Variants in PTPRM observed in about 807,000 individuals in gnomAD.
PTPRM encodes protein tyrosine phosphatase receptor type M, also known as receptor-type tyrosine-protein phosphatase mu.
In PTPRM, 47 loss-of-function variants were observed where a neutral mutation model predicts 186.7. That is an observed-to-expected ratio of 0.25 (90% CI 0.20 to 0.32). The LOEUF is 0.32. Among genes scored for constraint, PTPRM ranks in the 10% least tolerant of loss-of-function variants. The pLI, the probability that PTPRM is intolerant of heterozygous loss-of-function variation, is 1.00. For missense variants in PTPRM, 1,494 were observed against 1,865.0 expected, an observed-to-expected ratio of 0.80 and a Z score of 3.66; for synonymous variants, 668 against 674.9, an observed-to-expected ratio of 0.99 and a Z score of 0.16.
intron 7 of PTPRM, among the ~76,000 whole-genome samples, chr18:8,001,111 C>T (rs2083846382): frequency 6.6e-6 from 1 of 152,160 alleles, no homozygotes; most frequent in Non-Finnish European, 1.5e-5. Flanking sequence ...AGCAGGGTAA[C>T]ATGCTACATT....
At chr18:8,289,698 A>T (rs1375935944) in intron 19 of PTPRM, among the ~76,000 whole-genome samples, 1 of 151,048 alleles carries the variant, frequency 6.6e-6, no homozygotes, top group Non-Finnish European at 1.5e-5. Flanking sequence ...TATTAGGTAA[A>T]GGAAGATAAT....
At chr18:8,363,658 A>C (rs963084552) in intron 23 of PTPRM, among the ~76,000 whole-genome samples, 4 of 152,208 alleles carry the variant, frequency 2.6e-5, no homozygotes, top group African/African-American at 9.6e-5. Flanking sequence ...GGGAATAGCT[A>C]AAAGTCAAGC....
At chr18:8,271,415 T>A (rs1578952) in intron 19 of PTPRM, among the ~76,000 whole-genome samples, 45,330 of 151,774 alleles carry the variant, frequency 0.3, 6,995 homozygotes, top group Admixed American at 0.39. Context: ...CATTGCTGAG[T>A]GCTGTTAACT....
At chr18:8,233,030 C>G (rs531545785) in intron 14 of PTPRM, among the ~76,000 whole-genome samples, 14 of 152,130 alleles carry the variant, frequency 9.2e-5, no homozygotes, top group Non-Finnish European at 1.8e-4. Context: ...CAAGGAGTCC[C>G]GCACCAGGAA....
intron 30 of PTPRM, among the ~76,000 whole-genome samples, chr18:8,385,786 A>G (rs1259676591): frequency 6.6e-6 from 1 of 152,232 alleles, no homozygotes; most frequent in Non-Finnish European, 1.5e-5. Flanking sequence ...TTTACATTTT[A>G]AAAGGAGCAC....
intron 4 of PTPRM, among the ~76,000 whole-genome samples, chr18:7,912,750 A>C (rs1302961702): frequency 2.0e-5 from 3 of 150,202 alleles, no homozygotes; most frequent in Non-Finnish European, 4.4e-5. Flanking sequence ...CGATCTCGTG[A>C]CCTCGTGATC....
At chr18:8,171,491 C>T (rs2093400339) in intron 14 of PTPRM, among the ~76,000 whole-genome samples, 1 of 152,126 alleles carries the variant, frequency 6.6e-6, no homozygotes, top group Non-Finnish European at 1.5e-5. Context: ...CAGCTTGGAC[C>T]TCTGTGAGTA....
intron 21 of PTPRM, among the ~76,000 whole-genome samples, chr18:8,315,312 C>A (rs1388320225): frequency 6.6e-6 from 1 of 152,082 alleles, no homozygotes; most frequent in Non-Finnish European, 1.5e-5. Flanking sequence ...ATTTGCAATC[C>A]CTTGTCATCA....
intron 1 of PTPRM, among the ~76,000 whole-genome samples, chr18:7,669,823 A>G (rs2039178332): frequency 6.6e-6 from 1 of 152,148 alleles, no homozygotes; most frequent in Non-Finnish European, 1.5e-5. Flanking sequence ...CCTGGGTTCA[A>G]GAGATTCTCC....
At chr18:8,079,310 C>G (rs1380285971) in intron 9 of PTPRM, among the ~76,000 whole-genome samples, 1 of 152,140 alleles carries the variant, frequency 6.6e-6, no homozygotes, top group Non-Finnish European at 1.5e-5. Flanking sequence ...AATCATCTTC[C>G]TACAACCTGG....
chr18:8,385,632 G>A (rs756823299), intron 30 of PTPRM, among the ~76,000 whole-genome samples: 2 of 152,242 alleles, frequency 1.3e-5, no homozygotes, highest in Non-Finnish European at 2.9e-5. Context: ...TAGCTGATGG[G>A]GAGTGAGCAG....
chr18:8,162,775 A>T (rs2093254988), intron 14 of PTPRM, among the ~76,000 whole-genome samples: 1 of 152,170 alleles, frequency 6.6e-6, no homozygotes, highest in African/African-American at 2.4e-5. Flanking sequence ...CACCCCATAC[A>T]CACATCTTTA....
chr18:8,242,908 T>C (rs938655058), intron 14 of PTPRM, among the ~76,000 whole-genome samples: 1 of 152,232 alleles, frequency 6.6e-6, no homozygotes, highest in African/African-American at 2.4e-5. Flanking sequence ...GATGATTTAC[T>C]AGAAGGAGGT....
intron 1 of PTPRM, among the ~76,000 whole-genome samples, chr18:7,696,716 C>T (rs966935914): frequency 2.6e-5 from 4 of 152,226 alleles, no homozygotes; most frequent in South Asian, 2.1e-4. Flanking sequence ...ATGTCTTCCA[C>T]GGTGTCCCGT....
intron 23 of PTPRM, among the ~76,000 whole-genome samples, chr18:8,362,875 C>T (rs1187184797): frequency 6.6e-6 from 1 of 152,212 alleles, no homozygotes; most frequent in South Asian, 2.1e-4. Context: ...CAAAGTCACA[C>T]AGCTAATAAA....
intron 14 of PTPRM, among the ~76,000 whole-genome samples, chr18:8,164,549 A>C (rs916201778): frequency 1.3e-5 from 2 of 152,232 alleles, no homozygotes; most frequent in African/African-American, 4.8e-5. Flanking sequence ...ACATGCTACA[A>C]CATGGATCAG....
intron 2 of PTPRM, among the ~76,000 whole-genome samples, chr18:7,863,280 G>A (rs1297734606): frequency 6.6e-6 from 1 of 152,030 alleles, no homozygotes; most frequent in Non-Finnish European, 1.5e-5. Context: ...GTATACACAT[G>A]CCATGGTGGT....
intron 1 of PTPRM, among the ~76,000 whole-genome samples, chr18:7,617,790 G>A (rs2037842517): frequency 1.3e-5 from 2 of 152,164 alleles, no homozygotes; most frequent in East Asian, 1.9e-4. Context: ...TAATCTGGGG[G>A]AATGTCTGGG....
At chr18:8,097,797 C>T (rs1181872688) in intron 11 of PTPRM, among the ~76,000 whole-genome samples, 3 of 152,064 alleles carry the variant, frequency 2.0e-5, no homozygotes, top group Admixed American at 2.0e-4. Flanking sequence ...TTAAAGAGAC[C>T]TAAACAGTGG....
Sources: gnomAD v4.1 joint callset for allele counts (sites outside exome capture counted in the v4.1 genomes callset) on GRCh38, gnomAD v4.1.1 for gene constraint, MANE v1.5 for transcripts, NCBI Gene and HGNC (gene_info 2026-07-23, HGNC 2026-07-21) for gene names.